Variants in LMF1 observed in about 807,000 individuals in gnomAD.
LMF1 encodes the protein transmembrane protein 112.
LMF1 carries 68 observed loss-of-function variants against 60.6 expected under a neutral mutation model. The ratio of observed to expected loss-of-function variants is 1.12; its 90% CI spans 0.92 to 1.37. LMF1 has a LOEUF of 1.37. Among genes scored for constraint, LMF1 ranks in the 40% most tolerant of loss-of-function variants. LMF1 has a pLI of 0.00. For missense variants in LMF1, 948 were observed against 767.2 expected, an observed-to-expected ratio of 1.24 and a Z score of -2.78; for synonymous variants, 418 against 324.7, an observed-to-expected ratio of 1.29 and a Z score of -3.09.
chr16:870,690 T>C (rs2069756933), intron 8 of LMF1, 39 bp downstream of exon 8: 1 of 1,608,220 alleles, frequency 6.2e-7, no homozygotes, highest in South Asian at 1.1e-5. Flanking sequence ...AGTCTCCCCA[T>C]ATACCCAGCT....
intron 4 of LMF1, among the ~76,000 whole-genome samples, chr16:906,126 T>C (rs2070967080): frequency 6.6e-6 from 1 of 152,234 alleles, no homozygotes; most frequent in South Asian, 2.1e-4. Flanking sequence ...TGCAAAGGCT[T>C]CTTTCTCTCA....
At chr16:975,172 A>G (rs1329577614), upstream of LMF1, among the ~76,000 whole-genome samples, 4 of 152,022 alleles carry the variant, frequency 2.6e-5, no homozygotes, top group East Asian at 7.7e-4. Flanking sequence ...ACAGGTCACG[A>G]GTGTTCCCAC....
At position 916,958 on chromosome 16, in the gene LMF1, G is replaced by C. The variant is rs564007639; in HGVS notation, c.515-5879C>G. 2.0e-5 allele frequency among the ~76,000 whole-genome samples: 3 copies of C among 152,314 alleles called. No homozygotes were observed. In the East Asian group the frequency reaches 5.8e-4, roughly 29 times the overall value. ...AGCTCTGGGATCCCCTGAATATTGA[G>C]CTCCGGGTCTGTTACGGCTATTTCT... On this transcript the variant is annotated intron_variant, in intron 3 of 10. Coordinates refer to ENST00000262301, the MANE Select transcript of LMF1 (RefSeq NM_022773.4).
chr16:937,856 G>A (rs1299754784), intron 2 of LMF1, among the ~76,000 whole-genome samples: 1 of 152,146 alleles, frequency 6.6e-6, no homozygotes, highest in Non-Finnish European at 1.5e-5. Context: ...AGAGTGTGTA[G>A]TAGGGACTTA....
intron 4 of LMF1, among the ~76,000 whole-genome samples, chr16:905,984 A>C (rs2070964096): frequency 6.6e-6 from 1 of 152,046 alleles, no homozygotes; most frequent in Non-Finnish European, 1.5e-5. Flanking sequence ...AAAATATTCT[A>C]TGTTACCTTC....
chr16:884,279 C>CTACA (rs2070246217), intron 5 of LMF1: 1 of 152,086 alleles, frequency 6.6e-6, no homozygotes, highest in Admixed American at 6.6e-5. Context: ...GTACTACAAA[C>CTACA]TACACATCAT....
chr16:906,662 G>A (rs984514062), intron 4 of LMF1, among the ~76,000 whole-genome samples: 1 of 152,092 alleles, frequency 6.6e-6, no homozygotes, highest in Admixed American at 6.6e-5. Context: ...GTCCCTCGAG[G>A]GAACCCTCCA....
chr16:863,345 T>G (rs973780542), intron 10 of LMF1, among the ~76,000 whole-genome samples: 3 of 152,226 alleles, frequency 2.0e-5, no homozygotes, highest in Non-Finnish European at 4.4e-5. Context: ...TTTCACCATG[T>G]TGGCCATGCT....
intron 6 of LMF1, among the ~76,000 whole-genome samples, chr16:877,028 G>C (rs1187895215): frequency 6.6e-6 from 1 of 152,234 alleles, no homozygotes; most frequent in East Asian, 1.9e-4. Context: ...TGTCTCAGGA[G>C]ATGCGTGTCG....
At position 874,222 on chromosome 16, in the gene LMF1, G is replaced by T. The variant is rs569519001; in HGVS notation, c.898-2881C>A. Reference sequence around the variant, plus strand: ...CACAACCGAAACACAGCTAAGGGCCGGTGAGCCCAGCTCTGGGACAGAGCC... The same window carrying T: ...CACAACCGAAACACAGCTAAGGGCCTGTGAGCCCAGCTCTGGGACAGAGCC... On this transcript the variant is annotated intron_variant, in intron 6 of 10. Coordinates refer to ENST00000262301, the MANE Select transcript of LMF1 (RefSeq NM_022773.4). This position sits in a 1 kb window ranked among gnomAD's most constrained non-coding sequence, Gnocchi z 4.1. Among the ~76,000 whole-genome samples the T allele has an allele frequency of 6.6e-6, 1 of 152,242 alleles. No homozygotes were observed. The highest frequency in any genetic ancestry group is 2.1e-4 in the South Asian group (1 of 4,834).
chr16:981,492 G>A, upstream of LMF1: 1 of 250,014 alleles, frequency 4.0e-6, no homozygotes, highest in Non-Finnish European at 8.6e-6. Flanking sequence ...AAGCGCCGGA[G>A]ACCCCCCTGC....
chr16:949,519 G>T (rs2072376082), intron 2 of LMF1, among the ~76,000 whole-genome samples: 1 of 144,456 alleles, frequency 6.9e-6, no homozygotes, highest in South Asian at 2.4e-4. Flanking sequence ...CAATGACAGA[G>T]TCAGCCAACG....
At chr16:924,289 A>G (rs1403870313) in intron 3 of LMF1, among the ~76,000 whole-genome samples, 3 of 152,268 alleles carry the variant, frequency 2.0e-5, no homozygotes, top group Non-Finnish European at 4.4e-5. Context: ...ACCAGAGTTA[A>G]GTGCAGGAAG....
chr16:951,898 G>C (rs771062191), intron 2 of LMF1, among the ~76,000 whole-genome samples: 3 of 152,260 alleles, frequency 2.0e-5, no homozygotes, highest in Non-Finnish European at 2.9e-5. Context: ...TGAACGTGAT[G>C]TGCGGGGGAG....
intron 2 of LMF1, among the ~76,000 whole-genome samples, chr16:949,013 C>T (rs368107600): frequency 0.017 from 1,497 of 88,174 alleles, 70 homozygotes; most frequent in Non-Finnish European, 0.021. Context: ...TCAGAGCCAA[C>T]GACAGAGTCA....
intron 10 of LMF1, chr16:855,913 G>T (rs1221424078): frequency 2.2e-6 from 1 of 455,856 alleles, no homozygotes; most frequent in Non-Finnish European, 4.4e-6. Context: ...AGGGCCTCTG[G>T]GTCCACCCGG....
At chr16:867,115 A>C (rs1341575436) in intron 10 of LMF1, among the ~76,000 whole-genome samples, 1 of 151,066 alleles carries the variant, frequency 6.6e-6, no homozygotes, top group Non-Finnish European at 1.5e-5. Context: ...TCCAGCTGCC[A>C]AACATGTGTA....
At chr16:856,602 A>C (rs1424060058) in intron 10 of LMF1, among the ~76,000 whole-genome samples, 1 of 152,204 alleles carries the variant, frequency 6.6e-6, no homozygotes, top group Non-Finnish European at 1.5e-5. Flanking sequence ...GTCAAGGCCT[A>C]GGGGGCCCAG....
Position 900,732 on chromosome 16 carries a change from T to TGTGTGTGTGTGTGTGTGTG in LMF1, c.664-7661_664-7660insCACACACACACACACACAC, listed in dbSNP as rs2070790147. 3 of 146,940 alleles carry TGTGTGTGTGTGTGTGTGTG rather than the reference T, an allele frequency of 2.0e-5. No homozygotes were observed. The Admixed American group carries it at 2.1e-4, about 10-fold the overall frequency. 9.1% of individuals were successfully genotyped at this position (146,940 alleles called of 1,614,324 possible). A position where few individuals can be genotyped will look rare whatever the true frequency, so the allele number is the denominator to read the frequency against. On this transcript the variant is annotated intron_variant, in intron 4 of 10. Coordinates refer to ENST00000262301, the MANE Select transcript of LMF1 (RefSeq NM_022773.4). ...GTGTGTGTGTGTGTGTGTGTGTGTG[T>TGTGTGTGTGTGTGTGTGTG]TTTAGTACAGACGGGATTTCACCAT...
Sources: allele counts gnomAD v4.1 joint callset (sites outside exome capture counted in the v4.1 genomes callset), GRCh38; gene constraint gnomAD v4.1.1; non-coding constraint Gnocchi (gnomAD v3.1); transcripts MANE v1.5; gene names NCBI Gene and HGNC (gene_info 2026-07-23, HGNC 2026-07-21).